The following DBN1 variants were observed in gnomAD, a reference collection of about 807,000 sequenced individuals.
The protein encoded by DBN1 is drebrin.
In DBN1, 21 loss-of-function variants were observed where a neutral mutation model predicts 83.5. The ratio of observed to expected loss-of-function variants is 0.25; its 90% CI spans 0.18 to 0.36. The LOEUF (loss-of-function observed/expected upper bound fraction) is 0.36, where lower values mean the gene tolerates loss of function less well. DBN1 is among the 10% of genes least tolerant of loss of function. The pLI is 1.00. For missense variants in DBN1, 874 were observed against 935.7 expected, an observed-to-expected ratio of 0.93 and a Z score of 0.86; for synonymous variants, 381 against 384.9, an observed-to-expected ratio of 0.99 and a Z score of 0.12.
Position 177,467,450 on chromosome 5 carries a change from C to T in DBN1, c.477+31G>A, listed in dbSNP as rs1420769980. ...AGACTCGGGCACCAGGCCACGCAGG[C>T]AGAGCCCACGGGTGCCAAACACACA... On this transcript the variant is annotated intron_variant, in intron 5 of 14. Transcript: ENST00000393565. The surrounding 1 kb of genome is among the most constrained non-coding windows in gnomAD (Gnocchi z 9.1). 1.2e-6 allele frequency: 2 copies of T among 1,608,984 alleles called. No homozygotes were observed. Among genetic ancestry groups the T allele is most frequent in the Non-Finnish European group, 8.5e-7 (1 of 1,177,014 alleles).
intron 8 of DBN1, among the ~76,000 whole-genome samples, chr5:177,461,414 C>CAGA (rs1757037143): frequency 6.6e-6 from 1 of 152,158 alleles, no homozygotes; most frequent in South Asian, 2.1e-4. Context: ...GGCCTTCTTA[C>CAGA]AGCCCCCATG....
chr5:177,472,009 G>T, intron 1 of DBN1: 2 of 1,277,620 alleles, frequency 1.6e-6, no homozygotes. Flanking sequence ...AGGCCAAGCC[G>T]GCCACTTGCC....
chr5:177,458,429 G>A lies in DBN1; in HGVS notation c.1543C>T (p.Pro515Ser), dbSNP rs2127392811. The change falls in exon 13 of 15, where the codon CCC becomes TCC. Residue 515 changes from proline (P) to serine (S), a missense_variant. This residue lies in a region of DBN1 where 725 missense variants were observed against 719.7 expected (regional missense o/e 1.01). Coordinates refer to ENST00000393565, the MANE Select transcript of DBN1 (RefSeq NM_001363541.2). ...TADTTVANNVPPAATSLIDLW... is the reference protein window; with the variant it reads ...TADTTVANNVSPAATSLIDLW... ...TCAATGAGGCTGGTGGCGGCGGGGGGTACGTTGTTGGCAACAGTGGTGTCA... is the reference window on the plus strand; with the variant it reads ...TCAATGAGGCTGGTGGCGGCGGGGGATACGTTGTTGGCAACAGTGGTGTCA... The A allele has an allele frequency of 6.2e-7, 1 of 1,614,188 alleles. No individual in the cohort carries two copies.
In DBN1 at chr5:177,458,084, C is replaced by T; in HGVS notation, c.1888G>A (p.Glu630Lys). ...EPEPHLLTNG[E>K]TTQKEGTQAS... ...TGGGTCCCCTCCTTCTGGGTGGTCT[C>T]GCCATTGGTTAGCAGGTGGGGCTCC... The change falls in exon 13 of 15, where the codon GAG (glutamate) becomes AAG (lysine). Residue 630 changes from glutamate to lysine, a missense_variant. Around this residue, in one of 4 missense-constraint regions of DBN1, gnomAD observed 725 missense variants for 719.7 expected, o/e 1.01. Coordinates refer to ENST00000393565, the MANE Select transcript of DBN1 (RefSeq NM_001363541.2). 6 of 1,613,826 alleles carry T rather than the reference C, an allele frequency of 3.7e-6. No individual in the cohort carries two copies. The highest frequency in any genetic ancestry group is 2.2e-5 in the East Asian group (1 of 44,886).
intron 1 of DBN1, among the ~76,000 whole-genome samples, chr5:177,471,209 G>A (rs181698541): frequency 6.6e-5 from 10 of 152,136 alleles, no homozygotes; most frequent in Admixed American, 2.0e-4. Context: ...GGTGGACCCC[G>A]CAGGACCATC....
intron 13 of DBN1, 97 bp downstream of exon 13, chr5:177,457,961 G>T (rs1756670376): frequency 6.5e-7 from 1 of 1,534,054 alleles, no homozygotes; most frequent in Admixed American, 1.7e-5. Flanking sequence ...GGGTCACAGA[G>T]AAGGGGGTAC....
Position 177,473,611 on chromosome 5 carries a change from G to T in DBN1, c.-90C>A. ...AGGGAAAGAGGGAGTCGCCGCCGCC[G>T]CCTCGGAGCCTCTGCAGCGTCGCGA... On this transcript the variant is annotated 5_prime_UTR_variant, in exon 1 of 15. Transcript: ENST00000393565. 5 of 642,822 alleles carry T rather than the reference G, an allele frequency of 7.8e-6. No individual in the cohort carries two copies. The highest frequency in any genetic ancestry group is 1.0e-5 in the Non-Finnish European group (5 of 501,462). The allele number at this position is 642,822 out of a possible 1,614,324, so 39.8% of individuals were successfully genotyped here.
intron 10 of DBN1, 85 bp from the exon 11 acceptor site, chr5:177,459,825 C>A: frequency 7.3e-7 from 1 of 1,365,114 alleles, no homozygotes; most frequent in Non-Finnish European, 9.5e-7. Flanking sequence ...TCTCCCGCCC[C>A]CAGGGCCTGG....
At chr5:177,472,776 C>T in intron 1 of DBN1, 2 of 986,974 alleles carry the variant, frequency 2.0e-6, no homozygotes, top group Non-Finnish European at 2.4e-6. Context: ...GAGAGCTCAC[C>T]CCTGCCTCCT....
chr5:177,460,757 G>A, intron 8 of DBN1, 54 bp from the exon 9 acceptor site: 1 of 1,570,550 alleles, frequency 6.4e-7, no homozygotes, highest in South Asian at 1.1e-5. Context: ...GGGGCTTTTG[G>A]CCTTCTTTTT....
At position 177,458,572 on chromosome 5, in the gene DBN1, A is replaced by G; in HGVS notation, c.1400T>C (p.Leu467Ser). ...PRGPGSPAED[L>S]MFMESAEQAV... ...CTGCTCTGCAGACTCCATGAACATC[A>G]AGTCCTCTGCAGGGCTGCCTGGCCC... is the stretch of plus-strand genomic sequence containing the variant. Residue 467 changes from leucine to serine, a missense_variant, in exon 13 of 15, where the codon TTG (leucine) becomes TCG (serine). Leu to Ser is a moderately radical substitution (Grantham distance 145). Coordinates refer to ENST00000393565, the MANE Select transcript of DBN1 (RefSeq NM_001363541.2). 6.2e-7 allele frequency: 1 copy of G among 1,613,962 alleles called. No homozygotes were observed. The highest frequency in any genetic ancestry group is 8.5e-7 in the Non-Finnish European group (1 of 1,179,938).
At chr5:177,463,757 G>C (rs994344612) in intron 8 of DBN1, among the ~76,000 whole-genome samples, 1 of 152,170 alleles carries the variant, frequency 6.6e-6, no homozygotes, top group Non-Finnish European at 1.5e-5. Context: ...GTTGATAACT[G>C]GTGAAAATAA....
At chr5:177,470,085 G>A (rs938579997) in intron 1 of DBN1, among the ~76,000 whole-genome samples, 2 of 152,218 alleles carry the variant, frequency 1.3e-5, no homozygotes, top group African/African-American at 2.4e-5. Flanking sequence ...TTGTGGCCAG[G>A]GCCAAATGGC....
Position 177,467,575 on chromosome 5 carries a change from G to A in DBN1, c.383C>T (p.Ala128Val). The A allele has an allele frequency of 6.4e-7, 1 of 1,566,610 alleles. No individual in the cohort carries two copies. ...ASSVEDIDAG[A>V]IGQRLSNGLA... Reference sequence around the variant, plus strand: ...CCCGTTAGAGAGCCGCTGCCCGATGGCACCCGCGTCTATGTCTTCCACGCT... The same window carrying A: ...CCCGTTAGAGAGCCGCTGCCCGATGACACCCGCGTCTATGTCTTCCACGCT... Residue 128 changes from alanine to valine, a missense_variant, in exon 5 of 15, where the codon GCC becomes GTC. Ala to Val is a moderately conservative substitution (Grantham distance 64, BLOSUM62 0). Around this residue, in one of 4 missense-constraint regions of DBN1, gnomAD observed 65 missense variants for 97.3 expected, o/e 0.67. Transcript: ENST00000393565. The surrounding 1 kb of genome is among the most constrained non-coding windows in gnomAD (Gnocchi z 9.1).
At chr5:177,459,575 C>T (rs1454070074) in intron 11 of DBN1, 28 bp downstream of exon 11, 2 of 1,472,384 alleles carry the variant, frequency 1.4e-6, no homozygotes, top group Non-Finnish European at 1.8e-6. Flanking sequence ...CCTTACCACC[C>T]CCGCCGAGGC....
chr5:177,471,973 C>A, intron 1 of DBN1: 3 of 848,076 alleles, frequency 3.5e-6, no homozygotes, highest in Non-Finnish European at 5.2e-6. Context: ...CAGGCGGGGC[C>A]TTATCCCAAA....
rs937316489 is a variant in DBN1, at chr5:177,466,880, C to G, written c.707+31G>C. 1.2e-6 allele frequency: 2 copies of G among 1,613,652 alleles called. No individual in the cohort carries two copies. Among genetic ancestry groups the G allele is most frequent in the South Asian group, 1.1e-5 (1 of 91,078 alleles). The stretch of plus-strand genomic sequence containing the variant: ...GCACCCGTCAGGGTGCGCCCGGGGG[C>G]CCCTGGAGCGCTCCGGGCGGGCAGG... On this transcript the variant is annotated intron_variant, in intron 7 of 14. Transcript: ENST00000393565. This position sits in a 1 kb window ranked among gnomAD's most constrained non-coding sequence, Gnocchi z 4.8.
chr5:177,459,398 C>G (rs1314956826), intron 11 of DBN1, 130 bp from the exon 12 acceptor site: 2 of 1,445,716 alleles, frequency 1.4e-6, no homozygotes, highest in African/African-American at 2.9e-5. Context: ...CCAGCCCCAC[C>G]AGGGGCCAGA....
chr5:177,471,182 G>T (rs976676962), intron 1 of DBN1, among the ~76,000 whole-genome samples: 1 of 152,080 alleles, frequency 6.6e-6, no homozygotes, highest in Admixed American at 6.5e-5. Context: ...GTGAGCTGGA[G>T]TCGGGGGCTG....
Sources: gnomAD v4.1 joint callset for allele counts (sites outside exome capture counted in the v4.1 genomes callset) on GRCh38, gnomAD v4.1.1 for gene constraint, gnomAD v4.1.1 regional missense constraint, Gnocchi (gnomAD v3.1) non-coding constraint, MANE v1.5 for transcripts, NCBI Gene and HGNC (gene_info 2026-07-23, HGNC 2026-07-21) for gene names.